BCHE: variants seen among roughly 807,000 people sequenced by gnomAD.
BCHE encodes the protein butyrylcholinesterase.
Under a neutral mutation model 51.3 loss-of-function variants are expected in BCHE, and 48 were observed. That is an observed-to-expected ratio of 0.94 (90% CI 0.74 to 1.19). The LOEUF is 1.19. BCHE is among the 50% of genes most tolerant of loss of function. The pLI is 0.00. For synonymous variants in BCHE, 251 were observed against 238.0 expected (o/e 1.05, Z -0.50); for missense variants, 847 against 708.2 (o/e 1.20, Z -2.23).
intron 2 of BCHE, among the ~76,000 whole-genome samples, chr3:165,796,547 A>T (rs1329557917): frequency 1.3e-5 from 2 of 152,184 alleles, no homozygotes; most frequent in East Asian, 3.9e-4. Context: ...GCACAAAGAA[A>T]TATTTTTTCT....
intron 2 of BCHE, among the ~76,000 whole-genome samples, chr3:165,825,632 G>A (rs558251394): frequency 1.3e-4 from 19 of 151,948 alleles, no homozygotes; most frequent in African/African-American, 4.1e-4. Flanking sequence ...TACATGTGCC[G>A]TGTTGGTGTG....
intron 3 of BCHE, chr3:165,778,695 A>T: frequency 2.2e-6 from 1 of 454,022 alleles, no homozygotes; most frequent in Non-Finnish European, 4.4e-6. Context: ...GTGCAGCTCT[A>T]GCTGCTAGTG....
chr3:165,783,501 C>G (rs1319269112), intron 3 of BCHE, among the ~76,000 whole-genome samples: 2 of 152,098 alleles, frequency 1.3e-5, no homozygotes, highest in Non-Finnish European at 1.5e-5. Flanking sequence ...TCATCCTTGA[C>G]TGCCAGTCTT....
Position 165,773,244 on chromosome 3 carries a change from T to G in BCHE, c.*138A>C. The G allele has an allele frequency of 1.3e-6, 1 of 754,986 alleles. No individual in the cohort carries two copies. The highest frequency in any genetic ancestry group is 2.1e-6 in the Non-Finnish European group (1 of 472,838). 46.8% of individuals were successfully genotyped at this position (754,986 alleles called of 1,614,324 possible). Reference sequence around the variant, plus strand: ...GCTAGGTAAAATACTAAGTTAAAGATGTGAGGAATCAATATTATCCTTCTG... The same window carrying G: ...GCTAGGTAAAATACTAAGTTAAAGAGGTGAGGAATCAATATTATCCTTCTG... On this transcript the variant is annotated 3_prime_UTR_variant, in exon 4 of 4. Transcript: ENST00000264381.
At chr3:165,781,797 A>C (rs765891684) in intron 3 of BCHE, among the ~76,000 whole-genome samples, 2 of 152,156 alleles carry the variant, frequency 1.3e-5, no homozygotes, top group Non-Finnish European at 2.9e-5. Flanking sequence ...CAAATGGCTC[A>C]ATATACATAA....
Position 165,776,650 on chromosome 3 carries a change from A to G in BCHE, c.1685-3144T>C, listed in dbSNP as rs1712482452. ...AGAAATAAAGAACCCTAACTTGTAG[A>G]AAGAGTTTTATTATTATTTTTTCTT... is the stretch of plus-strand genomic sequence containing the variant. On this transcript the variant is annotated intron_variant, in intron 3 of 3. Transcript: ENST00000264381. Among the ~76,000 whole-genome samples the G allele has an allele frequency of 2.6e-5, 4 of 151,850 alleles. No homozygotes were observed. The South Asian group carries it at 8.3e-4, about 31-fold the overall frequency.
In BCHE at chr3:165,830,421, A is replaced by G. The variant is rs763584348; in HGVS notation, c.613T>C (p.Trp205Arg). Residue 205 changes from tryptophan to arginine, a missense_variant, in exon 2 of 4, where the codon TGG (tryptophan) becomes CGG (arginine). Coordinates refer to ENST00000264381, the MANE Select transcript of BCHE (RefSeq NM_000055.4). ...GLFDQQLALQ[W>R]VQKNIAAFGG... ...AAGGCTGCTATATTTTTTTGAACCC[A>G]CTGAAGAGCCAACTGTTGATCAAAT... 3 of 1,613,872 alleles carry G rather than the reference A, an allele frequency of 1.9e-6. No individual in the cohort carries two copies. The Admixed American group carries it at 5.0e-5, about 27-fold the overall frequency.
chr3:165,815,078 C>CAT (rs546638606), intron 2 of BCHE, among the ~76,000 whole-genome samples: 3 of 149,580 alleles, frequency 2.0e-5, no homozygotes, highest in Non-Finnish European at 3.0e-5. Flanking sequence ...ATGTATATTA[C>CAT]ATATATATAT....
chr3:165,811,741 G>A (rs1576857750), intron 2 of BCHE, among the ~76,000 whole-genome samples: 1 of 152,104 alleles, frequency 6.6e-6, no homozygotes, highest in Non-Finnish European at 1.5e-5. Flanking sequence ...CCTTCCTAAT[G>A]CATAGAGTTA....
intron 3 of BCHE, among the ~76,000 whole-genome samples, chr3:165,774,942 T>G (rs2108192904): frequency 6.6e-6 from 1 of 152,302 alleles, no homozygotes; most frequent in African/African-American, 2.4e-5. Context: ...AAGACACATA[T>G]TTTTGTTCCT....
chr3:165,799,737 T>C (rs1560010750), intron 2 of BCHE, among the ~76,000 whole-genome samples: 1 of 152,116 alleles, frequency 6.6e-6, no homozygotes, highest in Non-Finnish European at 1.5e-5. Flanking sequence ...AAAATGGTGA[T>C]ACACACAAAA....
At chr3:165,795,282 C>T (rs1052012985) in intron 2 of BCHE, among the ~76,000 whole-genome samples, 3 of 152,266 alleles carry the variant, frequency 2.0e-5, no homozygotes, top group Admixed American at 6.5e-5. Context: ...ATTATATAGA[C>T]GACTTTCTCT....
At chr3:165,805,976 T>G (rs1713851172) in intron 2 of BCHE, among the ~76,000 whole-genome samples, 1 of 152,164 alleles carries the variant, frequency 6.6e-6, no homozygotes, top group Admixed American at 6.5e-5. Flanking sequence ...TTCCCAAAGT[T>G]ACTCCCCAGT....
intron 2 of BCHE, among the ~76,000 whole-genome samples, chr3:165,788,774 G>A (rs1713059454): frequency 6.6e-6 from 1 of 152,150 alleles, no homozygotes; most frequent in Admixed American, 6.6e-5. Flanking sequence ...CTGCCAGTGA[G>A]TGTTCATTTA....
chr3:165,832,903 C>T (rs187110756), intron 1 of BCHE, among the ~76,000 whole-genome samples: 72 of 152,210 alleles, frequency 4.7e-4, no homozygotes, highest in Admixed American at 9.8e-4. Context: ...CACCAATGGT[C>T]ATAGGATATC....
rs771956376 is a variant in BCHE at position 165,786,234 on chromosome 3, T to C, written c.1595A>G (p.Asn532Ser). Residue 532 changes from asparagine to serine, a missense_variant, in exon 3 of 4, where the codon AAT (asparagine) becomes AGT (serine). Physicochemically the swap from Asn to Ser is conservative, Grantham distance 46 (BLOSUM62 1). Coordinates refer to ENST00000264381, the MANE Select transcript of BCHE (RefSeq NM_000055.4). ...CGTCATTATTCTTGTTGACTCTGTA[T>C]TCAAGGTTAGATATTTTTGTTCAGT... The part of the protein sequence containing the change: ...KSTEQKYLTL[N>S]TESTRIMTKL... The C allele has an allele frequency of 1.2e-6, 2 of 1,612,286 alleles. No homozygotes were observed. Among genetic ancestry groups the C allele is most frequent in the South Asian group, 1.1e-5 (1 of 91,026 alleles).
chr3:165,831,123 A>G (rs919600482), intron 1 of BCHE, 82 bp from the exon 2 acceptor site: 7 of 1,231,664 alleles, frequency 5.7e-6, no homozygotes, highest in Admixed American at 2.1e-5. Flanking sequence ...TACCTAAAAT[A>G]TAGTCGTTAG....
chr3:165,811,992 C>T (rs970237049), intron 2 of BCHE, among the ~76,000 whole-genome samples: 1 of 151,932 alleles, frequency 6.6e-6, no homozygotes, highest in Non-Finnish European at 1.5e-5. Flanking sequence ...TCCAGAGATT[C>T]CTTTTAGTGT....
chr3:165,773,619 T>C lies in BCHE; in HGVS notation c.1685-113A>G, dbSNP rs1712344590. The C allele has an allele frequency of 2.7e-5, 22 of 801,098 alleles. No homozygotes were observed. In the South Asian group the frequency reaches 4.0e-4, roughly 14 times the overall value. 49.6% of individuals were successfully genotyped at this position (801,098 alleles called of 1,614,324 possible). A position where few individuals can be genotyped will look rare whatever the true frequency, so the allele number is the denominator to read the frequency against. On this transcript the variant is annotated intron_variant, in intron 3 of 3. Coordinates refer to ENST00000264381, the MANE Select transcript of BCHE (RefSeq NM_000055.4). ...TCTAACTACACAGTACAGCATTATT[T>C]TCTTTATTTATTCTTTATTATTTGT...
Sources: gnomAD v4.1 joint callset for allele counts (sites outside exome capture counted in the v4.1 genomes callset) on GRCh38, gnomAD v4.1.1 for gene constraint, MANE v1.5 for transcripts, NCBI Gene and HGNC (gene_info 2026-07-23, HGNC 2026-07-21) for gene names.